HNRNPC: variants seen among roughly 807,000 people sequenced by gnomAD.
HNRNPC encodes the protein heterogeneous nuclear ribonucleoprotein C.
A neutral mutation model predicts 33.2 loss-of-function variants in HNRNPC; 3 were observed. That is an observed-to-expected ratio of 0.09 (90% CI 0.04 to 0.23). The LOEUF (loss-of-function observed/expected upper bound fraction) is 0.23, where lower values mean the gene tolerates loss of function less well. Among genes scored for constraint, HNRNPC ranks in the 10% least tolerant of loss-of-function variants. The pLI is 1.00. For synonymous variants in HNRNPC, 121 were observed against 126.7 expected (o/e 0.96, Z 0.30); for missense variants, 143 against 366.7 (o/e 0.39, Z 4.98).
rs1258777929 is a variant in HNRNPC at position 21,219,281 on chromosome 14, G to T, written c.366-6164C>A. Among the ~76,000 whole-genome samples, 3 of 152,128 alleles carry T rather than the reference G, an allele frequency of 2.0e-5. No homozygotes were observed. In the East Asian group the frequency reaches 5.8e-4, roughly 29 times the overall value. The stretch of plus-strand genomic sequence containing the variant: ...GTGAAGGTGCATTTCAGAGAACTGG[G>T]AACTATTTCTATCTTGGTTATAGTT... On this transcript the variant is annotated intron_variant, in intron 5 of 8. Coordinates refer to ENST00000553300, the MANE Select transcript of HNRNPC (RefSeq NM_004500.4).
chr14:21,256,032 A>C (rs1877130571), intron 2 of HNRNPC, among the ~76,000 whole-genome samples: 1 of 152,232 alleles, frequency 6.6e-6, no homozygotes, highest in African/African-American at 2.4e-5. Flanking sequence ...GCTGAAGCAC[A>C]GTATATTAAC....
At chr14:21,241,611 A>T (rs1895353408) in intron 2 of HNRNPC, among the ~76,000 whole-genome samples, 1 of 152,126 alleles carries the variant, frequency 6.6e-6, no homozygotes, top group East Asian at 1.9e-4. Context: ...AGGTCCGGCT[A>T]CCCTATCCCA....
intron 5 of HNRNPC, among the ~76,000 whole-genome samples, chr14:21,218,549 G>A (rs549278648): frequency 4.4e-4 from 67 of 151,790 alleles, no homozygotes; most frequent in African/African-American, 1.5e-3. Context: ...TCAGCAGGGT[G>A]TGGTGGCATG....
chr14:21,219,108 C>CAAAAAAAAAAAAAAAAAAA (rs555837563), intron 5 of HNRNPC, among the ~76,000 whole-genome samples: 1 of 96,380 alleles, frequency 1.0e-5, no homozygotes, highest in African/African-American at 3.8e-5. Context: ...GACTCTTTCT[C>CAAAAAAAAAAAAAAAAAAA]AAAAAAAAAA....
At chr14:21,231,360 A>G in intron 3 of HNRNPC, 1 of 518,116 alleles carries the variant, frequency 1.9e-6, no homozygotes, top group Non-Finnish European at 3.7e-6. Context: ...GTGGAACAAA[A>G]CAACTCATCT....
intron 1 of HNRNPC, chr14:21,268,639 C>A (rs1333971511): frequency 6.6e-6 from 1 of 152,124 alleles, no homozygotes; most frequent in Non-Finnish European, 1.5e-5. Flanking sequence ...CAAAGTTCCA[C>A]TAACTTATAT....
intron 3 of HNRNPC, among the ~76,000 whole-genome samples, chr14:21,233,410 A>G (rs1894331028): frequency 6.6e-6 from 1 of 152,248 alleles, no homozygotes; most frequent in Non-Finnish European, 1.5e-5. Context: ...TTTGAAACTG[A>G]GGCACAAGGT....
intron 5 of HNRNPC, among the ~76,000 whole-genome samples, chr14:21,229,339 C>T (rs1335986079): frequency 6.8e-6 from 1 of 146,838 alleles, no homozygotes; most frequent in Admixed American, 6.9e-5. Flanking sequence ...CCACTGCACT[C>T]CAGGATGGGC....
chr14:21,251,051 GGAGATC>G (rs1224483871), intron 2 of HNRNPC, among the ~76,000 whole-genome samples: 2 of 152,024 alleles, frequency 1.3e-5, no homozygotes, highest in Non-Finnish European at 2.9e-5. Context: ...CACGAGGTCA[GGAGATC>G]GAGACCGTCC....
At chr14:21,254,922 C>CA (rs11451334) in intron 2 of HNRNPC, among the ~76,000 whole-genome samples, 25,174 of 101,922 alleles carry the variant, frequency 0.25, 2,526 homozygotes, top group Admixed American at 0.34. Context: ...ACTCTAGTCT[C>CA]AAAAAAAAAA....
intron 5 of HNRNPC, 122 bp from the exon 6 acceptor site, chr14:21,213,239 A>C: frequency 3.8e-5 from 40 of 1,049,124 alleles, no homozygotes; most frequent in Non-Finnish European, 4.8e-5. Context: ...ATTAAATTTC[A>C]TTAAGAAGGC....
chr14:21,211,663 A>G, intron 7 of HNRNPC, 97 bp from the exon 8 acceptor site: 1 of 1,438,846 alleles, frequency 7.0e-7, no homozygotes. Context: ...ACAAATCTAA[A>G]TCCTCCCACA....
chr14:21,227,008 G>A (rs1893544981), intron 5 of HNRNPC, among the ~76,000 whole-genome samples: 1 of 151,472 alleles, frequency 6.6e-6, no homozygotes, highest in Non-Finnish European at 1.5e-5. Context: ...AGTCAATGAA[G>A]TATCGCTGTT....
intron 2 of HNRNPC, among the ~76,000 whole-genome samples, chr14:21,243,148 A>G (rs1051875342): frequency 2.0e-5 from 3 of 152,200 alleles, no homozygotes; most frequent in Non-Finnish European, 2.9e-5. Flanking sequence ...ACTGAACACT[A>G]GACTGGGCAA....
intron 5 of HNRNPC, 27 bp downstream of exon 5, chr14:21,230,292 G>A (rs774180182): frequency 6.5e-7 from 1 of 1,534,384 alleles, no homozygotes; most frequent in East Asian, 2.3e-5. Flanking sequence ...TAGCTGTTTA[G>A]CAGAAATACA....
Position 21,249,509 on chromosome 14 carries a change from C to T in HNRNPC, c.-37+13802G>A, listed in dbSNP as rs554891138. Among the ~76,000 whole-genome samples, 17 of 148,662 alleles carry T rather than the reference C, an allele frequency of 1.1e-4. No homozygotes were observed. The East Asian group carries it at 3.3e-3, about 29-fold the overall frequency. ...GGCTGAGGCTAGAGAATTGCTTGAA[C>T]CGGGAAGCAGAGATAGCAGGGAGCC... On this transcript the variant is annotated intron_variant, in intron 2 of 8. Coordinates refer to ENST00000553300, the MANE Select transcript of HNRNPC (RefSeq NM_004500.4).
intron 3 of HNRNPC, among the ~76,000 whole-genome samples, chr14:21,232,438 C>T (rs1894214935): frequency 6.6e-6 from 1 of 152,084 alleles, no homozygotes; most frequent in African/African-American, 2.4e-5. Context: ...AGTGCAATCA[C>T]GGCTCACTGT....
intron 5 of HNRNPC, among the ~76,000 whole-genome samples, chr14:21,228,346 A>G (rs542087176): frequency 5.1e-4 from 77 of 152,324 alleles, no homozygotes; most frequent in African/African-American, 1.7e-3. Context: ...TGAGTTCACT[A>G]GTAATGTCCT....
chr14:21,214,916 C>T (rs1332261605), intron 5 of HNRNPC, among the ~76,000 whole-genome samples: 4 of 152,158 alleles, frequency 2.6e-5, no homozygotes, highest in African/African-American at 9.7e-5. Flanking sequence ...AAGCCTCAGT[C>T]CAATGGAAAT....
Sources: gnomAD v4.1 joint callset for allele counts (sites outside exome capture counted in the v4.1 genomes callset) on GRCh38, gnomAD v4.1.1 for gene constraint, MANE v1.5 for transcripts, NCBI Gene and HGNC (gene_info 2026-07-23, HGNC 2026-07-21) for gene names.